Variants in NEBL observed in about 807,000 individuals in gnomAD.
The protein encoded by NEBL is LIM and SH3 protein 2.
A neutral mutation model predicts 140.2 loss-of-function variants in NEBL; 122 were observed. The ratio of observed to expected loss-of-function variants is 0.87; its 90% confidence interval spans 0.75 to 1.01. The LOEUF (loss-of-function observed/expected upper bound fraction) is 1.01. NEBL is among the 50% of genes least tolerant of loss of function. The pLI is 0.00. For synonymous variants in NEBL, 436 were observed against 398.9 expected (o/e 1.09, Z -1.11); for missense variants, 1,365 against 1,231.3 (o/e 1.11, Z -1.62).
intron 4 of NEBL, among the ~76,000 whole-genome samples, chr10:20,954,227 C>T (rs1564460394): frequency 6.6e-6 from 1 of 152,186 alleles, no homozygotes; most frequent in Non-Finnish European, 1.5e-5. Flanking sequence ...GAGATTAGAA[C>T]TCCTAGTAAT....
intron 1 of NEBL, among the ~76,000 whole-genome samples, chr10:21,286,609 G>T (rs939622584): frequency 2.0e-5 from 3 of 152,192 alleles, no homozygotes; most frequent in African/African-American, 4.8e-5. Context: ...AAGGCGGGTG[G>T]ATCACAAGGT....
At chr10:20,957,612 T>C (rs569802401) in intron 4 of NEBL, among the ~76,000 whole-genome samples, 37 of 152,250 alleles carry the variant, frequency 2.4e-4, no homozygotes, top group African/African-American at 8.4e-4. Context: ...ACACTCTCAT[T>C]GAAGTCAACA....
chr10:20,936,771 T>C (rs1232737126), intron 4 of NEBL, among the ~76,000 whole-genome samples: 1 of 152,218 alleles, frequency 6.6e-6, no homozygotes, highest in African/African-American at 2.4e-5. Context: ...TTATTGCCTT[T>C]TCTGACCTTG....
chr10:21,168,839 G>A (rs961819864), intron 2 of NEBL, among the ~76,000 whole-genome samples: 5 of 151,128 alleles, frequency 3.3e-5, no homozygotes, highest in African/African-American at 1.2e-4. Context: ...ACAAGGTCAG[G>A]AGATCGAGAC....
intron 2 of NEBL, among the ~76,000 whole-genome samples, chr10:21,090,924 CA>C (rs1781715679): frequency 6.6e-6 from 1 of 152,164 alleles, no homozygotes; most frequent in Non-Finnish European, 1.5e-5. Context: ...CTCAACAAGA[CA>C]AAACCAAGGT....
At chr10:20,814,071 A>T (rs1281861476) in intron 22 of NEBL, 28 bp from the exon 23 acceptor site, 1 of 1,339,660 alleles carries the variant, frequency 7.5e-7, no homozygotes, top group Non-Finnish European at 1.1e-6. Context: ...GGCATAAGAC[A>T]ATGATAAGAA....
At chr10:21,077,494 C>G (rs1836155084) in intron 2 of NEBL, among the ~76,000 whole-genome samples, 1 of 151,992 alleles carries the variant, frequency 6.6e-6, no homozygotes, top group Non-Finnish European at 1.5e-5. Context: ...GTAGTCCCAG[C>G]TACTCGGGAG....
intron 2 of NEBL, among the ~76,000 whole-genome samples, chr10:21,078,755 T>C (rs545034939): frequency 1.3e-5 from 2 of 152,340 alleles, no homozygotes; most frequent in South Asian, 4.1e-4. Flanking sequence ...TAGGAAAATA[T>C]ACTTGATCTT....
intron 26 of NEBL, among the ~76,000 whole-genome samples, chr10:20,794,639 T>A (rs1337046332): frequency 6.6e-6 from 1 of 152,322 alleles, no homozygotes; most frequent in Non-Finnish European, 1.5e-5. Context: ...ATTTAAGCAC[T>A]CAGGTGTATA....
chr10:20,987,891 C>A (rs1837316211), intron 3 of NEBL, among the ~76,000 whole-genome samples: 1 of 152,148 alleles, frequency 6.6e-6, no homozygotes, highest in South Asian at 2.1e-4. Context: ...TGGAATTGCC[C>A]ACCAGTCTCC....
intron 2 of NEBL, among the ~76,000 whole-genome samples, chr10:21,144,755 T>C (rs568253582): frequency 1.2e-3 from 179 of 151,760 alleles, no homozygotes; most frequent in Non-Finnish European, 2.0e-3. Flanking sequence ...AAAAGGCAGA[T>C]TGGAATAGGA....
rs534082484 is a variant in NEBL, at chr10:20,915,807, T to C, written c.357+45865A>G. ...GGCTGGGTCAAATGGTATTTCTAGTTCTAGATCCCTGAGGAATCACCACAC... is the reference window on the plus strand; with the variant it reads ...GGCTGGGTCAAATGGTATTTCTAGTCCTAGATCCCTGAGGAATCACCACAC... On this transcript the variant is annotated intron_variant, in intron 4 of 6. Coordinates refer to the NEBL transcript ENST00000417816. Among the ~76,000 whole-genome samples, 3 of 152,284 alleles carry C rather than the reference T, an allele frequency of 2.0e-5. No homozygotes were observed. The South Asian group carries it at 6.2e-4, about 32-fold the overall frequency.
intron 16 of NEBL, 139 bp from the exon 17 acceptor site, chr10:20,828,773 G>A (rs1333978144): frequency 4.7e-6 from 3 of 641,628 alleles, no homozygotes; most frequent in Non-Finnish European, 8.5e-6. Flanking sequence ...CCCAGAGAGA[G>A]AGAGAGAGAG....
intron 21 of NEBL, among the ~76,000 whole-genome samples, chr10:20,816,289 A>C (rs1160934376): frequency 6.6e-6 from 1 of 152,256 alleles, no homozygotes; most frequent in Non-Finnish European, 1.5e-5. Flanking sequence ...AAAGGAAATG[A>C]GAATAAATGT....
chr10:20,839,921 A>G (rs556151961), intron 13 of NEBL, among the ~76,000 whole-genome samples: 1 of 152,310 alleles, frequency 6.6e-6, no homozygotes, highest in East Asian at 1.9e-4. Flanking sequence ...AGCAAAGCCA[A>G]TAGTGAAGAT....
At chr10:21,265,975 C>G (rs1464108131) in intron 1 of NEBL, among the ~76,000 whole-genome samples, 1 of 152,194 alleles carries the variant, frequency 6.6e-6, no homozygotes, top group Non-Finnish European at 1.5e-5. Flanking sequence ...TATTTATCAA[C>G]AGACTCTAAT....
intron 7 of NEBL, among the ~76,000 whole-genome samples, chr10:20,866,379 T>C (rs1301334437): frequency 6.6e-6 from 1 of 152,122 alleles, no homozygotes; most frequent in Non-Finnish European, 1.5e-5. Flanking sequence ...AATTTTATGT[T>C]ATATAAATCT....
intron 2 of NEBL, chr10:21,125,880 C>G (rs953552865): frequency 2.5e-6 from 4 of 1,614,088 alleles, no homozygotes; most frequent in Non-Finnish European, 3.4e-6. Context: ...CTTTTATGCC[C>G]TGGAATTTAA....
chr10:21,230,302 T>A (rs1842228888), intron 3 of NEBL, among the ~76,000 whole-genome samples: 1 of 152,068 alleles, frequency 6.6e-6, no homozygotes, highest in Admixed American at 6.6e-5. Context: ...ATTCTCAACT[T>A]CCTTATCTCT....
Sources: gnomAD v4.1 joint callset for allele counts (sites outside exome capture counted in the v4.1 genomes callset) on GRCh38, gnomAD v4.1.1 for gene constraint, MANE v1.5 for transcripts, NCBI Gene and HGNC (gene_info 2026-07-23, HGNC 2026-07-21) for gene names.